ADAMTSL1: variants seen among roughly 807,000 people sequenced by gnomAD.
ADAMTSL1 encodes ADAMTS-like protein 1.
Under a neutral mutation model 201.8 loss-of-function variants are expected in ADAMTSL1, and 126 were observed. That is an observed-to-expected ratio of 0.62 (90% confidence interval 0.54 to 0.72). The LOEUF (loss-of-function observed/expected upper bound fraction) is 0.72, where lower values mean the gene tolerates loss of function less well. Among genes scored for constraint, ADAMTSL1 ranks in the 30% least tolerant of loss-of-function variants. The probability of loss-of-function intolerance (pLI) is 0.00; values close to 1 mark genes in which losing one functional copy is unlikely to be tolerated. For missense variants in ADAMTSL1, 2,679 were observed against 2,277.8 expected (o/e 1.18, Z -3.59); for synonymous variants, 1,121 against 903.4 (o/e 1.24, Z -4.32).
intron 2 of ADAMTSL1, among the ~76,000 whole-genome samples, chr9:18,388,253 A>G (rs1281690360): frequency 6.6e-6 from 1 of 151,390 alleles, no homozygotes; most frequent in Admixed American, 6.6e-5. Context: ...ATTTATATCT[A>G]TTTATACTTA....
intron 9 of ADAMTSL1, among the ~76,000 whole-genome samples, chr9:18,669,575 T>C (rs1413969696): frequency 1.3e-5 from 2 of 152,158 alleles, no homozygotes; most frequent in Non-Finnish European, 2.9e-5. Context: ...TTATAGAATA[T>C]TTTCCGATTT....
chr9:18,782,810 A>G (rs1327402652), intron 19 of ADAMTSL1, among the ~76,000 whole-genome samples: 1 of 152,210 alleles, frequency 6.6e-6, no homozygotes, highest in Non-Finnish European at 1.5e-5. Flanking sequence ...ACTCCTGGAC[A>G]AGGGAAAGGC....
intron 1 of ADAMTSL1, among the ~76,000 whole-genome samples, chr9:17,948,476 A>G (rs1400564595): frequency 6.6e-6 from 1 of 152,190 alleles, no homozygotes; most frequent in Non-Finnish European, 1.5e-5. Context: ...TAGCTGTCTG[A>G]AGCCACTGGT....
chr9:18,748,452 C>T (rs1819268510), intron 15 of ADAMTSL1, among the ~76,000 whole-genome samples: 1 of 152,196 alleles, frequency 6.6e-6, no homozygotes, highest in Non-Finnish European at 1.5e-5. Context: ...ATCCAACAAG[C>T]TAATCTTGCT....
chr9:18,894,364 A>G (rs951909463), intron 26 of ADAMTSL1, among the ~76,000 whole-genome samples: 1 of 21,912 alleles, frequency 4.6e-5, no homozygotes, highest in Non-Finnish European at 8.3e-5. Flanking sequence ...TTTTTTTTGA[A>G]AAAGGTATGC....
At chr9:18,325,560 G>A (rs1292840468) in intron 2 of ADAMTSL1, among the ~76,000 whole-genome samples, 1 of 152,178 alleles carries the variant, frequency 6.6e-6, no homozygotes, top group Non-Finnish European at 1.5e-5. Context: ...ACATACCACA[G>A]ACTGAGTAAT....
At chr9:18,845,097 A>G (rs1435880127) in intron 23 of ADAMTSL1, among the ~76,000 whole-genome samples, 1 of 152,210 alleles carries the variant, frequency 6.6e-6, no homozygotes, top group Non-Finnish European at 1.5e-5. Flanking sequence ...CCGGTACCTC[A>G]GATGGAAATG....
At chr9:18,821,141 G>C (rs975455269) in intron 21 of ADAMTSL1, among the ~76,000 whole-genome samples, 2 of 152,328 alleles carry the variant, frequency 1.3e-5, no homozygotes, top group African/African-American at 2.4e-5. Context: ...CAGGACTAAG[G>C]ATGCAGAAAT....
At chr9:18,798,119 T>G (rs1034307442) in intron 20 of ADAMTSL1, among the ~76,000 whole-genome samples, 1 of 151,796 alleles carries the variant, frequency 6.6e-6, no homozygotes, top group Admixed American at 6.6e-5. Flanking sequence ...ACTTTGAGCC[T>G]CAAGATAATC....
intron 1 of ADAMTSL1, among the ~76,000 whole-genome samples, chr9:17,958,403 C>G (rs1322139069): frequency 6.6e-6 from 1 of 152,156 alleles, no homozygotes; most frequent in Non-Finnish European, 1.5e-5. Context: ...TCTTGTTTAT[C>G]AAAGGCACAA....
intron 3 of ADAMTSL1, among the ~76,000 whole-genome samples, chr9:18,551,875 T>C (rs558841628): frequency 2.5e-4 from 38 of 152,064 alleles, no homozygotes; most frequent in African/African-American, 8.7e-4. Flanking sequence ...TTTTCAAGTA[T>C]GATGCCTTAA....
At chr9:17,943,496 T>C (rs1827327760) in intron 1 of ADAMTSL1, among the ~76,000 whole-genome samples, 1 of 152,020 alleles carries the variant, frequency 6.6e-6, no homozygotes, top group Non-Finnish European at 1.5e-5. Context: ...TGGGTGGGGG[T>C]AGTGCCAAAG....
intron 1 of ADAMTSL1, among the ~76,000 whole-genome samples, chr9:18,001,470 T>A (rs553994164): frequency 6.6e-6 from 1 of 152,092 alleles, no homozygotes; most frequent in East Asian, 2.0e-4. Flanking sequence ...GAATAGGTCA[T>A]TTTAGGAAAA....
At chr9:17,924,661 C>G (rs1270700189) in intron 1 of ADAMTSL1, among the ~76,000 whole-genome samples, 1 of 149,090 alleles carries the variant, frequency 6.7e-6, no homozygotes, top group Non-Finnish European at 1.5e-5. Context: ...ATGTAGGAAG[C>G]TGAAACTGGA....
intron 1 of ADAMTSL1, among the ~76,000 whole-genome samples, chr9:18,018,750 G>T (rs1046085482): frequency 6.6e-6 from 1 of 152,026 alleles, no homozygotes; most frequent in Admixed American, 6.6e-5. Context: ...TTTAGCCAGA[G>T]GTACTCAGCT....
At chr9:18,092,838 G>A (rs1305843326) in intron 1 of ADAMTSL1, among the ~76,000 whole-genome samples, 4 of 152,166 alleles carry the variant, frequency 2.6e-5, no homozygotes, top group Admixed American at 1.3e-4. Flanking sequence ...TTTAAGATTT[G>A]TAATGAAAAT....
intron 1 of ADAMTSL1, among the ~76,000 whole-genome samples, chr9:18,022,903 G>T (rs75045501): frequency 6.6e-6 from 1 of 152,036 alleles, no homozygotes. Flanking sequence ...TAGGTAAGAA[G>T]TGATCAAGAT....
intron 17 of ADAMTSL1, among the ~76,000 whole-genome samples, chr9:18,773,272 A>G (rs1250550151): frequency 6.6e-6 from 1 of 152,178 alleles, no homozygotes; most frequent in Non-Finnish European, 1.5e-5. Flanking sequence ...TACAGATTCT[A>G]TTCTGGAAGT....
intron 15 of ADAMTSL1, among the ~76,000 whole-genome samples, chr9:18,743,314 T>C (rs1564197258): frequency 1.3e-5 from 2 of 152,204 alleles, no homozygotes; most frequent in African/African-American, 4.8e-5. Context: ...ATTTGCCATG[T>C]TCTGTAAAGG....
Sources: gnomAD v4.1 joint callset for allele counts (sites outside exome capture counted in the v4.1 genomes callset) on GRCh38, gnomAD v4.1.1 for gene constraint, MANE v1.5 for transcripts, NCBI Gene and HGNC (gene_info 2026-07-23, HGNC 2026-07-21) for gene names.